LOC400499: variants seen among roughly 807,000 people sequenced by gnomAD.
the LOC400499 span, chr16:11,424,037 G>C: frequency 2.5e-6 from 1 of 399,156 alleles, no homozygotes; most frequent in East Asian, 3.6e-5. Context: ...CTGGGCAGAA[G>C]CAAAGCTGTT....
the LOC400499 span, among the ~76,000 whole-genome samples, chr16:11,519,253 A>T: frequency 6.6e-6 from 1 of 152,224 alleles, no homozygotes; most frequent in African/African-American, 2.4e-5. Flanking sequence ...TCATAGGACT[A>T]TATAGCACCA....
chr16:11,504,327 G>A, the LOC400499 span, among the ~76,000 whole-genome samples: 6 of 151,954 alleles, frequency 3.9e-5, no homozygotes, highest in Admixed American at 3.3e-4. Flanking sequence ...AGGCCGAGCC[G>A]GGTGGATCAC....
At chr16:11,453,307 G>A in the LOC400499 span, among the ~76,000 whole-genome samples, 1 of 152,120 alleles carries the variant, frequency 6.6e-6, no homozygotes, top group East Asian at 1.9e-4. Context: ...TGAGTACACT[G>A]AAAACATAAT....
At chr16:11,504,256 C>A in the LOC400499 span, among the ~76,000 whole-genome samples, 1 of 152,150 alleles carries the variant, frequency 6.6e-6, no homozygotes, top group Admixed American at 6.5e-5. Context: ...AAGGCTCCTG[C>A]CTAGAAATCA....
chr16:11,441,289 TG>T, the LOC400499 span, among the ~76,000 whole-genome samples: 1 of 152,144 alleles, frequency 6.6e-6, no homozygotes, highest in East Asian at 1.9e-4. Flanking sequence ...ATTAGCAGGG[TG>T]GGCTTGATGG....
chr16:11,378,886 G>A, the LOC400499 span, among the ~76,000 whole-genome samples: 50 of 152,268 alleles, frequency 3.3e-4, no homozygotes, highest in African/African-American at 1.2e-3. Flanking sequence ...TTGTCTGTGT[G>A]GTAGGTCCAA....
chr16:11,510,147 C>A, the LOC400499 span, among the ~76,000 whole-genome samples: 1 of 151,670 alleles, frequency 6.6e-6, no homozygotes, highest in African/African-American at 2.4e-5. Context: ...GCTTGGACCC[C>A]CACATCTCAG....
At chr16:11,401,338 T>C in the LOC400499 span, 1 of 399,200 alleles carries the variant, frequency 2.5e-6, no homozygotes, top group African/African-American at 2.1e-5. Flanking sequence ...GGAGGTTGAA[T>C]GGGTGAGCCA....
At chr16:11,462,155 G>C in the LOC400499 span, 2 of 1,530,506 alleles carry the variant, frequency 1.3e-6, no homozygotes, top group African/African-American at 2.7e-5. Context: ...ATGGCTCAGC[G>C]ATGCGGAGAA....
At chr16:11,488,010 G>A in the LOC400499 span, among the ~76,000 whole-genome samples, 7 of 152,042 alleles carry the variant, frequency 4.6e-5, no homozygotes, top group South Asian at 1.0e-3. Context: ...CCAGCTACTC[G>A]GGAGGCTGAG....
chr16:11,469,141 GCAGA>G, the LOC400499 span: 1 of 399,460 alleles, frequency 2.5e-6, no homozygotes, highest in Non-Finnish European at 4.4e-6. Flanking sequence ...GGTGTCAGGT[GCAGA>G]CACAGGTGGG....
the LOC400499 span, among the ~76,000 whole-genome samples, chr16:11,511,056 A>G: frequency 1.4e-5 from 2 of 148,114 alleles, no homozygotes; most frequent in Admixed American, 6.7e-5. Flanking sequence ...GAGTGCAGTG[A>G]CGCGATCACA....
chr16:11,398,764 A>G, the LOC400499 span, among the ~76,000 whole-genome samples: 2 of 151,810 alleles, frequency 1.3e-5, no homozygotes, highest in East Asian at 3.9e-4. Context: ...GGTTCAAGCG[A>G]TTCTCCCACC....
At chr16:11,476,662 G>A in the LOC400499 span, 2 of 398,644 alleles carry the variant, frequency 5.0e-6, no homozygotes, top group East Asian at 7.1e-5. Flanking sequence ...ACGCAGACGT[G>A]ATCACACACT....
At chr16:11,517,940 T>C in the LOC400499 span, among the ~76,000 whole-genome samples, 2 of 152,194 alleles carry the variant, frequency 1.3e-5, no homozygotes, top group African/African-American at 4.8e-5. Context: ...TTACCACTTC[T>C]ACCTTCCAGG....
chr16:11,384,864 A>G, the LOC400499 span: 6 of 1,232,108 alleles, frequency 4.9e-6, no homozygotes, highest in Non-Finnish European at 6.1e-6. Flanking sequence ...AGGTGGGGCC[A>G]ACCCTCCTGG....
the LOC400499 span, chr16:11,494,771 A>G: frequency 2.5e-5 from 10 of 399,034 alleles, no homozygotes; most frequent in African/African-American, 2.1e-4. Context: ...CTGGGGACAG[A>G]AATCGGCCCC....
chr16:11,495,215 A>C, the LOC400499 span, among the ~76,000 whole-genome samples: 2 of 129,408 alleles, frequency 1.5e-5, no homozygotes, highest in East Asian at 3.9e-4. Context: ...TCTCCAAAAA[A>C]AAAAAAAAAA....
At chr16:11,429,865 G>A in the LOC400499 span, among the ~76,000 whole-genome samples, 2 of 152,108 alleles carry the variant, frequency 1.3e-5, no homozygotes, top group African/African-American at 4.8e-5. Flanking sequence ...AGCATCATCA[G>A]TGGGTGCTAA....
Sources: gnomAD v4.1 joint callset for allele counts (sites outside exome capture counted in the v4.1 genomes callset) on GRCh38, gnomAD v4.1.1 for gene constraint, MANE v1.5 for transcripts.